CDH9: variants seen among roughly 807,000 people sequenced by gnomAD.
CDH9 encodes cadherin-9.
CDH9 carries 28 observed loss-of-function variants against 70.9 expected under a neutral mutation model. The observed-to-expected ratio is 0.40, with a 90% CI of 0.29 to 0.54. The LOEUF is 0.54. Among genes scored for constraint, CDH9 ranks in the 20% least tolerant of loss-of-function variants. The pLI is 0.59. For synonymous variants in CDH9, 409 were observed against 343.1 expected, an observed-to-expected ratio of 1.19 and a Z score of -2.12; for missense variants, 874 against 984.4, an observed-to-expected ratio of 0.89 and a Z score of 1.50.
intron 1 of CDH9, among the ~76,000 whole-genome samples, chr5:27,014,269 G>C (rs913669835): frequency 1.3e-5 from 2 of 151,864 alleles, no homozygotes; most frequent in Non-Finnish European, 2.9e-5. Context: ...CACTCCTTAG[G>C]TGCCCCCAGC....
intron 2 of CDH9, among the ~76,000 whole-genome samples, chr5:26,919,294 T>C (rs1741202075): frequency 6.6e-6 from 1 of 152,104 alleles, no homozygotes; most frequent in African/African-American, 2.4e-5. Flanking sequence ...AACTTTGCAT[T>C]GGAACTCAAT....
chr5:26,903,696 C>G lies in CDH9; in HGVS notation c.940G>C (p.Asp314His). The G allele has an allele frequency of 6.2e-7, 1 of 1,610,184 alleles. No individual in the cohort carries two copies. Among genetic ancestry groups the G allele is most frequent in the African/African-American group, 1.3e-5 (1 of 74,886 alleles). ...EYSIAEGDGA[D>H]MFDVITDKDT... ...TTGTCAGTGATGACATCGAACATGT[C>G]TGCACCATCTCCTTCAGCAATGCTA... Residue 314 changes from aspartate (D) to histidine (H), a missense_variant, in exon 6 of 12, where the codon GAC becomes CAC. By Grantham distance (81) the Asp-to-His change is moderately conservative. Transcript: ENST00000231021.
chr5:26,895,079 A>G (rs1561185991), intron 7 of CDH9, among the ~76,000 whole-genome samples: 1 of 152,094 alleles, frequency 6.6e-6, no homozygotes, highest in Non-Finnish European at 1.5e-5. Context: ...AGTAATATGC[A>G]GAAATATGTC....
intron 1 of CDH9, among the ~76,000 whole-genome samples, chr5:27,036,695 T>C (rs1743399491): frequency 6.6e-6 from 1 of 151,956 alleles, no homozygotes; most frequent in Non-Finnish European, 1.5e-5. Context: ...ATTTCCAGAA[T>C]TGGATTTGCT....
At chr5:26,992,777 G>A (rs965520194) in intron 1 of CDH9, among the ~76,000 whole-genome samples, 1 of 152,058 alleles carries the variant, frequency 6.6e-6, no homozygotes, top group African/African-American at 2.4e-5. Context: ...GAGAACAATA[G>A]AGAAATGCTT....
At chr5:26,890,281 T>TA (rs1191927861) in intron 8 of CDH9, 147 bp downstream of exon 8, 1 of 661,336 alleles carries the variant, frequency 1.5e-6, no homozygotes, top group Non-Finnish European at 2.6e-6. Flanking sequence ...AAAAATAATT[T>TA]AAAAATGTGT....
At chr5:27,024,410 T>A (rs916760466) in intron 1 of CDH9, among the ~76,000 whole-genome samples, 2 of 152,038 alleles carry the variant, frequency 1.3e-5, no homozygotes, top group East Asian at 3.9e-4. Context: ...AAAATCCCAG[T>A]CAGGACAAAA....
At chr5:26,986,904 T>C (rs975582738) in intron 2 of CDH9, among the ~76,000 whole-genome samples, 4 of 151,874 alleles carry the variant, frequency 2.6e-5, no homozygotes, top group Non-Finnish European at 5.9e-5. Context: ...GAGCATGACC[T>C]ATGGAACCAG....
chr5:27,013,648 G>T, intron 1 of CDH9, among the ~76,000 whole-genome samples: 1 of 151,788 alleles, frequency 6.6e-6, no homozygotes, highest in East Asian at 1.9e-4. Flanking sequence ...ATGAAGACAA[G>T]AATCCACCTC....
intron 1 of CDH9, among the ~76,000 whole-genome samples, chr5:27,002,039 A>C (rs2112106502): frequency 6.6e-6 from 1 of 152,302 alleles, no homozygotes; most frequent in East Asian, 1.9e-4. Flanking sequence ...AAGGGCTAAT[A>C]TTCAGAATCT....
rs547393194 is a variant in CDH9, at chr5:26,931,059, C to T, written c.229-15135G>A. ...TTCAGTTTAGGCTAATATGCATTAC[C>T]TGTACTTGAGCTCTCATAGCAAACC... is the stretch of plus-strand genomic sequence containing the variant. On this transcript the variant is annotated intron_variant, in intron 2 of 11. Coordinates refer to ENST00000231021, the MANE Select transcript of CDH9 (RefSeq NM_016279.4). Among the ~76,000 whole-genome samples the T allele has an allele frequency of 7.9e-5, 12 of 152,162 alleles. No homozygotes were observed. The South Asian group carries it at 1.9e-3, about 24-fold the overall frequency.
chr5:26,935,105 G>C (rs1741536587), intron 2 of CDH9, among the ~76,000 whole-genome samples: 1 of 152,074 alleles, frequency 6.6e-6, no homozygotes, highest in South Asian at 2.1e-4. Context: ...TAGGTAATCT[G>C]TCATATCAAG....
intron 7 of CDH9, among the ~76,000 whole-genome samples, chr5:26,899,760 C>T (rs1740819310): frequency 6.6e-6 from 1 of 151,798 alleles, no homozygotes; most frequent in Non-Finnish European, 1.5e-5. Context: ...AGGAAAAATA[C>T]CTAATGTAGA....
At chr5:27,037,379 C>T (rs1244593885) in intron 1 of CDH9, among the ~76,000 whole-genome samples, 1 of 151,888 alleles carries the variant, frequency 6.6e-6, no homozygotes, top group Non-Finnish European at 1.5e-5. Flanking sequence ...ACCAATTTCT[C>T]CTCCAATCTG....
chr5:26,922,354 C>A (rs1413762575), intron 2 of CDH9, among the ~76,000 whole-genome samples: 1 of 151,718 alleles, frequency 6.6e-6, no homozygotes, highest in Non-Finnish European at 1.5e-5. Flanking sequence ...AATAAAAAAA[C>A]AACATACAAA....
chr5:26,985,700 A>G (rs1159883994), intron 2 of CDH9, among the ~76,000 whole-genome samples: 4 of 152,022 alleles, frequency 2.6e-5, no homozygotes, highest in African/African-American at 9.7e-5. Context: ...GCCTTTCCCA[A>G]TCCTGGTCCG....
intron 2 of CDH9, among the ~76,000 whole-genome samples, chr5:26,925,319 A>G (rs929245402): frequency 6.6e-6 from 1 of 151,906 alleles, no homozygotes; most frequent in African/African-American, 2.4e-5. Context: ...GCATTTTTTC[A>G]TGTGTCTGTT....
chr5:26,963,881 A>C (rs1034957098), intron 2 of CDH9, among the ~76,000 whole-genome samples: 2 of 152,168 alleles, frequency 1.3e-5, no homozygotes, highest in African/African-American at 4.8e-5. Flanking sequence ...AATAACACTG[A>C]TATGGAGTTT....
intron 2 of CDH9, among the ~76,000 whole-genome samples, chr5:26,946,509 C>T (rs1741756424): frequency 6.6e-6 from 1 of 151,936 alleles, no homozygotes; most frequent in African/African-American, 2.4e-5. Flanking sequence ...AGAAGTGAGG[C>T]TATGTATATT....
Sources: gnomAD v4.1 joint callset for allele counts (sites outside exome capture counted in the v4.1 genomes callset) on GRCh38, gnomAD v4.1.1 for gene constraint, MANE v1.5 for transcripts, NCBI Gene and HGNC (gene_info 2026-07-23, HGNC 2026-07-21) for gene names.